Variants in MEPCE observed in about 807,000 individuals in gnomAD.
MEPCE encodes the protein methylphosphate capping enzyme.
Under a neutral mutation model 52.3 loss-of-function variants are expected in MEPCE, and 9 were observed. The ratio of observed to expected loss-of-function variants is 0.17; its 90% CI spans 0.10 to 0.30. The LOEUF is 0.30. Ranked by LOEUF, MEPCE falls within the 10% of genes least tolerant of loss-of-function variation. MEPCE has a pLI of 1.00. For missense variants in MEPCE, 826 were observed against 933.0 expected, an observed-to-expected ratio of 0.89 and a Z score of 1.49; for synonymous variants, 477 against 401.6, an observed-to-expected ratio of 1.19 and a Z score of -2.25.
chr7:100,431,160 A>G lies in MEPCE; in HGVS notation c.1142A>G (p.Gln381Arg), dbSNP rs376118165. The change falls in exon 1 of 4, where the codon CAG becomes CGG. Residue 381 changes from glutamine to arginine, a missense_variant. This residue lies in a region of MEPCE where 307 missense variants were observed against 292.1 expected (regional missense o/e 1.05). Coordinates refer to ENST00000310512, the MANE Select transcript of MEPCE (RefSeq NM_019606.6). ...GAGGCAGGGGCTAGGGGTGGAGGCC[A>G]GGGTTCCAAGGAAAAGGGCCGAGGG... ...KSEAGARGGG[Q>R]GSKEKGRGSW... is the part of the protein sequence containing the mutation. 2 of 1,613,552 alleles carry G rather than the reference A, an allele frequency of 1.2e-6. No homozygotes were observed. The highest frequency in any genetic ancestry group is 1.3e-5 in the African/African-American group (1 of 74,942).
chr7:100,429,366 G>C (rs1375094603), upstream of MEPCE: 1 of 152,368 alleles, frequency 6.6e-6, no homozygotes, highest in East Asian at 1.9e-4. Flanking sequence ...GGTGTGCGCA[G>C]GCGCTGCCCA....
rs765605469 is a variant in MEPCE, at chr7:100,431,175, A to G, written c.1157A>G (p.Lys386Arg). 1 of 1,613,664 alleles carries G rather than the reference A, an allele frequency of 6.2e-7. No individual in the cohort carries two copies. Among genetic ancestry groups the G allele is most frequent in the African/African-American group, 1.3e-5 (1 of 75,054 alleles). The change falls in exon 1 of 4, where the codon AAG becomes AGG. Residue 386 changes from lysine (K) to arginine (R), a missense_variant. Coordinates refer to ENST00000310512, the MANE Select transcript of MEPCE (RefSeq NM_019606.6). ...GGTGGAGGCCAGGGTTCCAAGGAAA[A>G]GGGCCGAGGGAGTTGGGGAGGCCGC... ...ARGGGQGSKE[K>R]GRGSWGGRHH...
In MEPCE at chr7:100,431,563, C is replaced by T. The variant is rs749326925; in HGVS notation, c.1545C>T (p.Thr515=). 6.8e-6 allele frequency: 11 copies of T among 1,612,406 alleles called. No homozygotes were observed. Among genetic ancestry groups the T allele is most frequent in the African/African-American group, 5.3e-5 (4 of 74,938 alleles). Residue 515 remains threonine (T), a synonymous_variant, in exon 1 of 4, where the codon ACC becomes ACT. Coordinates refer to ENST00000310512, the MANE Select transcript of MEPCE (RefSeq NM_019606.6). ...DPGAEGEEGT[T]TVRKRSCFPA... ...GGGCAGAGGGTGAGGAAGGGACCAC[C>T]ACCGTTCGAAAGAGGAGCTGCTTCC...
Position 100,430,454 on chromosome 7 carries a change from G to A in MEPCE, c.436G>A (p.Gly146Arg). Reference protein sequence around the residue: ...YQPHRPPGGGGGKRRNSCNVG... With the variant: ...YQPHRPPGGGRGKRRNSCNVG... ...GCCCCACCGGCCACCTGGGGGGGGC[G>A]GGGGCAAGAGGAGAAATAGCTGTAA... The change falls in exon 1 of 4, where the codon GGG becomes AGG. Residue 146 changes from glycine (G) to arginine (R), a missense_variant. This residue lies in a region of MEPCE where 314 missense variants were observed against 277.7 expected (regional missense o/e 1.13). Transcript: ENST00000310512. 1 of 1,555,232 alleles carries A rather than the reference G, an allele frequency of 6.4e-7. No homozygotes were observed. Among genetic ancestry groups the A allele is most frequent in the Non-Finnish European group, 8.7e-7 (1 of 1,154,210 alleles).
At chr7:100,432,120 C>G (rs191174307) in intron 1 of MEPCE, among the ~76,000 whole-genome samples, 27 of 152,364 alleles carry the variant, frequency 1.8e-4, no homozygotes, top group African/African-American at 6.5e-4. Context: ...CAGACTAATA[C>G]TGGCGTTTCT....
chr7:100,430,780 G>C lies in MEPCE; in HGVS notation c.762G>C (p.Ser254=). The change falls in exon 1 of 4, where the codon TCG becomes TCC. Residue 254 remains serine, a synonymous_variant. Transcript: ENST00000310512. ...CTDEGHVVLA[S]PLKTGRKRHR... ...ATGAGGGCCATGTAGTTCTTGCTTCGCCACTCAAGACTGGTCGGAAGCGGC... is the reference window on the plus strand; with the variant it reads ...ATGAGGGCCATGTAGTTCTTGCTTCCCCACTCAAGACTGGTCGGAAGCGGC... 1.2e-6 allele frequency: 2 copies of C among 1,613,734 alleles called. No homozygotes were observed. The highest frequency in any genetic ancestry group is 2.2e-5 in the East Asian group (1 of 44,868).
chr7:100,433,592 C>G lies in MEPCE; in HGVS notation c.*38C>G. 6.3e-7 allele frequency: 1 copy of G among 1,598,046 alleles called. No homozygotes were observed. Among genetic ancestry groups the G allele is most frequent in the South Asian group, 1.1e-5 (1 of 90,504 alleles). The stretch of plus-strand genomic sequence containing the variant: ...ACAGAAAGTGTGAAGAGGCTGCCCT[C>G]GCTGCTCATAAGGACCTGGGGGAAG... On this transcript the variant is annotated 3_prime_UTR_variant, in exon 4 of 4. Coordinates refer to ENST00000310512, the MANE Select transcript of MEPCE (RefSeq NM_019606.6).
Position 100,430,851 on chromosome 7 carries a change from G to C in MEPCE, c.833G>C (p.Gly278Ala). 6.2e-7 allele frequency: 1 copy of C among 1,610,508 alleles called. No homozygotes were observed. Among genetic ancestry groups the C allele is most frequent in the Non-Finnish European group, 8.5e-7 (1 of 1,177,708 alleles). Residue 278 changes from glycine (G) to alanine (A), a missense_variant, in exon 1 of 4, where the codon GGG becomes GCG. Transcript: ENST00000310512. Reference sequence around the variant, plus strand: ...CACCAGCAGCAGCAGGCAGCCGGAGGGAGTGAGAGTCACCCCGTGCCGCCC... The same window carrying C: ...CACCAGCAGCAGCAGGCAGCCGGAGCGAGTGAGAGTCACCCCGTGCCGCCC... ...QHHQQQQAAG[G>A]SESHPVPPTA...
At chr7:100,432,645 G>A (rs1048649288) in intron 1 of MEPCE, among the ~76,000 whole-genome samples, 3 of 152,158 alleles carry the variant, frequency 2.0e-5, no homozygotes, top group African/African-American at 7.2e-5. Context: ...CCCTAGCTTT[G>A]GAAGACTTCA....
chr7:100,431,764 G>A (rs1437057062), intron 1 of MEPCE, 75 bp downstream of exon 1: 9 of 1,365,238 alleles, frequency 6.6e-6, no homozygotes, highest in Non-Finnish European at 8.8e-6. Flanking sequence ...AGCAGGGAAG[G>A]TTATGACCCA....
At position 100,430,202 on chromosome 7, in the gene MEPCE, G is replaced by A. The variant is rs1368787111; in HGVS notation, c.184G>A (p.Ala62Thr). The A allele has an allele frequency of 3.0e-6, 4 of 1,311,768 alleles. No homozygotes were observed. Among genetic ancestry groups the A allele is most frequent in the Non-Finnish European group, 3.9e-6 (4 of 1,033,762 alleles). The allele number at this position is 1,311,768 out of a possible 1,614,324, so 81.3% of individuals were successfully genotyped here. ...GRCAPSAGSP[A>T]AAVGRESPGA... ...TTGCGCGCCATCTGCGGGGTCCCCA[G>A]CCGCTGCGGTCGGTCGGGAAAGCCC... The change falls in exon 1 of 4, where the codon GCC (alanine) becomes ACC (threonine). Residue 62 changes from alanine (A) to threonine (T), a missense_variant. Transcript: ENST00000310512.
In MEPCE at chr7:100,433,989, G is replaced by C; in HGVS notation, c.*435G>C. ...GATAGAGGGACTGAGGGTTAGACGG[G>C]GAAGACTGGCAGGGAGGCACGCAGG... On this transcript the variant is annotated 3_prime_UTR_variant, in exon 4 of 4. Coordinates refer to ENST00000310512, the MANE Select transcript of MEPCE (RefSeq NM_019606.6). 5.8e-6 allele frequency: 1 copy of C among 171,594 alleles called. No homozygotes were observed. Among genetic ancestry groups the C allele is most frequent in the South Asian group, 1.4e-4 (1 of 7,052 alleles). The allele number at this position is 171,594 out of a possible 1,614,324, so 10.6% of individuals were successfully genotyped here.
chr7:100,432,907 T>C lies in MEPCE; in HGVS notation c.1672-12T>C. ...TCCCTCAGTTGACCTCACTGCCGAT[T>C]CTTGCCCTCAGGGTAATTATGTGCT... On this transcript the variant is annotated splice_polypyrimidine_tract_variant and intron_variant, in intron 1 of 3. Transcript: ENST00000310512. 1 of 1,613,230 alleles carries C rather than the reference T, an allele frequency of 6.2e-7. No homozygotes were observed. The highest frequency in any genetic ancestry group is 8.5e-7 in the Non-Finnish European group (1 of 1,179,326).
chr7:100,430,084 T>C lies in MEPCE; in HGVS notation c.66T>C (p.Asp22=). The C allele has an allele frequency of 7.9e-7, 1 of 1,266,460 alleles. No individual in the cohort carries two copies. Among genetic ancestry groups the C allele is most frequent in the East Asian group, 3.1e-5 (1 of 31,774 alleles). 78.5% of individuals were successfully genotyped at this position (1,266,460 alleles called of 1,614,324 possible). Residue 22 remains aspartate, a synonymous_variant, in exon 1 of 4, where the codon GAT becomes GAC. Transcript: ENST00000310512. ...CGGCCCCGCCGCCGCCGCTCAAAGATGAGTCGGGCGGAGGGGGCGGCCCCA... is the reference window on the plus strand; with the variant it reads ...CGGCCCCGCCGCCGCCGCTCAAAGACGAGTCGGGCGGAGGGGGCGGCCCCA... ...LVPAPPPPLK[D]ESGGGGGPTV... is the part of the protein sequence containing the mutation.
chr7:100,430,970 C>T lies in MEPCE; in HGVS notation c.952C>T (p.Leu318Phe), dbSNP rs549696128. The part of the protein sequence containing the change: ...QNRDAPQPYE[L>F]NTAINCRDEV... ...CCGGGATGCCCCCCAACCCTATGAA[C>T]TCAACACAGCCATCAACTGCAGGGA... The change falls in exon 1 of 4, where the codon CTC (leucine) becomes TTC (phenylalanine). Residue 318 changes from leucine (L) to phenylalanine (F), a missense_variant. Leu to Phe is a conservative substitution (Grantham distance 22). Around this residue, in one of 7 missense-constraint regions of MEPCE, gnomAD observed 307 missense variants for 292.1 expected, o/e 1.05. Transcript: ENST00000310512. The T allele has an allele frequency of 1.2e-6, 2 of 1,610,982 alleles. No individual in the cohort carries two copies. The highest frequency in any genetic ancestry group is 1.7e-6 in the Non-Finnish European group (2 of 1,178,052).
chr7:100,430,485 G>T lies in MEPCE; in HGVS notation c.467G>T (p.Gly156Val), dbSNP rs1338043851. 6.4e-7 allele frequency: 1 copy of T among 1,571,644 alleles called. No individual in the cohort carries two copies. Among genetic ancestry groups the T allele is most frequent in the Non-Finnish European group, 8.6e-7 (1 of 1,160,958 alleles). The part of the protein sequence containing the change: ...GGKRRNSCNV[G>V]GGGGGFKHPA... Reference sequence around the variant, plus strand: ...AAGAGGAGAAATAGCTGTAATGTAGGGGGAGGCGGGGGAGGCTTCAAACAT... The same window carrying T: ...AAGAGGAGAAATAGCTGTAATGTAGTGGGAGGCGGGGGAGGCTTCAAACAT... Residue 156 changes from glycine to valine, a missense_variant, in exon 1 of 4, where the codon GGG (glycine) becomes GTG (valine). Gly to Val is a moderately radical substitution (Grantham distance 109, BLOSUM62 -3). Coordinates refer to ENST00000310512, the MANE Select transcript of MEPCE (RefSeq NM_019606.6).
At position 100,433,332 on chromosome 7, in the gene MEPCE, C is replaced by G; in HGVS notation, c.1960C>G (p.Pro654Ala). 1.2e-6 allele frequency: 2 copies of G among 1,614,198 alleles called. No homozygotes were observed. The highest frequency in any genetic ancestry group is 1.7e-6 in the Non-Finnish European group (2 of 1,180,040). Reference protein sequence around the residue: ...PEQFSSYLTSPDVGFSSYELV... With the variant: ...PEQFSSYLTSADVGFSSYELV... The stretch of plus-strand genomic sequence containing the variant: ...GCAGTTCAGTTCCTACCTGACATCC[C>G]CAGACGTGGGCTTCTCCAGCTATGA... Residue 654 changes from proline to alanine, a missense_variant, in exon 3 of 4, where the codon CCA becomes GCA. This residue lies in a region of MEPCE where 82 missense variants were observed against 121.4 expected (regional missense o/e 0.68). Coordinates refer to ENST00000310512, the MANE Select transcript of MEPCE (RefSeq NM_019606.6).
At chr7:100,429,171 TA>T (rs1310620753), upstream of MEPCE, 2 of 152,068 alleles carry the variant, frequency 1.3e-5, no homozygotes, top group African/African-American at 4.8e-5. Flanking sequence ...GGAGGTTTGC[TA>T]CCAACAGCTC....
At position 100,429,925 on chromosome 7, in the gene MEPCE, CGGGAAAGG is replaced by C; in HGVS notation, c.-90_-83del. 1 of 1,037,766 alleles carries C rather than the reference CGGGAAAGG, an allele frequency of 9.6e-7. No homozygotes were observed. The highest frequency in any genetic ancestry group is 1.2e-6 in the Non-Finnish European group (1 of 812,670). The allele number at this position is 1,037,766 out of a possible 1,614,324, so 64.3% of individuals were successfully genotyped here. On this transcript the variant is annotated 5_prime_UTR_variant, in exon 1 of 4. Transcript: ENST00000310512. ...TGAAGAGCAGAGCTGCGCGCGCACT[CGGGAAAGG>C]GGGGAAGGGAGCAGGGTCCAGGCAG... is the stretch of plus-strand genomic sequence containing the variant.
Sources: allele counts gnomAD v4.1 joint callset (sites outside exome capture counted in the v4.1 genomes callset), GRCh38; gene constraint gnomAD v4.1.1; regional missense constraint gnomAD v4.1.1; transcripts MANE v1.5; gene names NCBI Gene and HGNC (gene_info 2026-07-23, HGNC 2026-07-21).